Variants in SPMIP7 observed in about 807,000 individuals in gnomAD.
SPMIP7 encodes the protein protein SPMIP7.
the SPMIP7 span, among the ~76,000 whole-genome samples, chr7:50,116,027 G>A: frequency 1.3e-5 from 2 of 152,128 alleles, no homozygotes; most frequent in African/African-American, 4.8e-5. Context: ...CAAATTGGAG[G>A]TGACTAAACA....
chr7:50,128,737 G>A, the SPMIP7 span, among the ~76,000 whole-genome samples: 30 of 152,088 alleles, frequency 2.0e-4, no homozygotes, highest in Non-Finnish European at 3.4e-4. Context: ...TTGTCTGATA[G>A]TAATTCTAAA....
At chr7:50,123,581 A>G in the SPMIP7 span, among the ~76,000 whole-genome samples, 3 of 151,086 alleles carry the variant, frequency 2.0e-5, no homozygotes, top group Admixed American at 6.6e-5. Flanking sequence ...AAATAAATAA[A>G]TAAATAAATA....
At chr7:50,151,314 C>A in the SPMIP7 span, 1 of 692,350 alleles carries the variant, frequency 1.4e-6, no homozygotes, top group Non-Finnish European at 2.4e-6. Context: ...CCAAGTTCCA[C>A]ACCTCATACA....
chr7:50,145,852 G>A, the SPMIP7 span, among the ~76,000 whole-genome samples: 1 of 151,130 alleles, frequency 6.6e-6, no homozygotes, highest in African/African-American at 2.4e-5. Context: ...CTAGGCAGCT[G>A]CCTATGAGGT....
chr7:50,126,961 G>A, the SPMIP7 span, among the ~76,000 whole-genome samples: 1 of 151,958 alleles, frequency 6.6e-6, no homozygotes, highest in Non-Finnish European at 1.5e-5. Context: ...GCAATGCTGT[G>A]CAAAACAAGA....
At chr7:50,109,636 A>G in the SPMIP7 span, among the ~76,000 whole-genome samples, 1 of 152,070 alleles carries the variant, frequency 6.6e-6, no homozygotes, top group Non-Finnish European at 1.5e-5. Flanking sequence ...CGGCCTCCCA[A>G]AGTGCTGGGT....
chr7:50,142,670 G>A, the SPMIP7 span: 11 of 152,188 alleles, frequency 7.2e-5, no homozygotes, highest in South Asian at 1.5e-3. Context: ...ATCAAATAAC[G>A]TAAGTAAACT....
At chr7:50,127,390 A>C in the SPMIP7 span, among the ~76,000 whole-genome samples, 78,442 of 151,090 alleles carry the variant, frequency 0.52, 21,330 homozygotes, top group East Asian at 0.73. Flanking sequence ...AGTCAACAAA[A>C]GTAAAAATAG....
chr7:50,115,689 G>C, the SPMIP7 span, among the ~76,000 whole-genome samples: 1 of 152,016 alleles, frequency 6.6e-6, no homozygotes, highest in Admixed American at 6.6e-5. Context: ...ATAAAGTTAG[G>C]TTTATTCAGG....
the SPMIP7 span, among the ~76,000 whole-genome samples, chr7:50,139,164 C>T: frequency 6.6e-6 from 1 of 151,894 alleles, no homozygotes; most frequent in Non-Finnish European, 1.5e-5. Flanking sequence ...TCCTGGCCAA[C>T]GTGGTGAAAC....
the SPMIP7 span, chr7:50,140,253 G>C: frequency 1.2e-6 from 1 of 835,024 alleles, no homozygotes; most frequent in Non-Finnish European, 1.8e-6. Flanking sequence ...TTCAGCTCAC[G>C]CATGTTGTAT....
At chr7:50,137,392 C>A in the SPMIP7 span, among the ~76,000 whole-genome samples, 1 of 152,094 alleles carries the variant, frequency 6.6e-6, no homozygotes, top group East Asian at 1.9e-4. Flanking sequence ...GTTGTAGAGT[C>A]TTCCTTTAAA....
At chr7:50,104,005 C>A in the SPMIP7 span, among the ~76,000 whole-genome samples, 5 of 152,136 alleles carry the variant, frequency 3.3e-5, no homozygotes, top group South Asian at 2.1e-4. Flanking sequence ...AATAACCAGA[C>A]CCCTCTTGTG....
At chr7:50,104,253 T>C in the SPMIP7 span, 1 of 763,116 alleles carries the variant, frequency 1.3e-6, no homozygotes, top group Non-Finnish European at 2.1e-6. Context: ...ATATTTCTGT[T>C]GAAAAAGAAC....
At chr7:50,121,745 C>G in the SPMIP7 span, among the ~76,000 whole-genome samples, 1 of 152,086 alleles carries the variant, frequency 6.6e-6, no homozygotes, top group African/African-American at 2.4e-5. Context: ...CCTCCGCCTC[C>G]CAGGTTCAAG....
the SPMIP7 span, among the ~76,000 whole-genome samples, chr7:50,139,554 T>C: frequency 2.0e-5 from 3 of 152,200 alleles, no homozygotes; most frequent in Non-Finnish European, 4.4e-5. Flanking sequence ...AGGGAGATGA[T>C]AATTTTTTTA....
At chr7:50,123,601 A>ATAAG in the SPMIP7 span, among the ~76,000 whole-genome samples, 8 of 150,280 alleles carry the variant, frequency 5.3e-5, no homozygotes, top group Non-Finnish European at 1.2e-4. Flanking sequence ...AAATAAATAA[A>ATAAG]AAGCTTGAAA....
chr7:50,117,124 C>G, the SPMIP7 span: 3 of 384,510 alleles, frequency 7.8e-6, no homozygotes, highest in Non-Finnish European at 1.6e-5. Flanking sequence ...GAGAAGACAG[C>G]CATGAGGAGG....
At chr7:50,103,530 C>G in the SPMIP7 span, among the ~76,000 whole-genome samples, 8 of 152,264 alleles carry the variant, frequency 5.3e-5, no homozygotes, top group East Asian at 5.8e-4. Flanking sequence ...ATCTGCTATA[C>G]CTAACATTTT....
Sources: allele counts gnomAD v4.1 joint callset (sites outside exome capture counted in the v4.1 genomes callset), GRCh38; gene constraint gnomAD v4.1.1; transcripts MANE v1.5; gene names NCBI Gene and HGNC (gene_info 2026-07-23, HGNC 2026-07-21).